Variants in CDC42BPA observed in about 807,000 individuals in gnomAD.
CDC42BPA encodes CDC42 binding protein kinase alpha.
CDC42BPA carries 80 observed loss-of-function variants against 223.5 expected under a neutral mutation model. That is an observed-to-expected ratio of 0.36 (90% CI 0.30 to 0.43). CDC42BPA has a LOEUF of 0.43. Among genes scored for constraint, CDC42BPA ranks in the 20% least tolerant of loss-of-function variants. CDC42BPA has a pLI of 1.00. For synonymous variants in CDC42BPA, 694 were observed against 718.6 expected, an observed-to-expected ratio of 0.97 and a Z score of 0.55; for missense variants, 1,743 against 2,099.9, an observed-to-expected ratio of 0.83 and a Z score of 3.32.
intron 11 of CDC42BPA, among the ~76,000 whole-genome samples, chr1:227,123,823 T>C (rs1191373767): frequency 6.6e-6 from 1 of 152,106 alleles, no homozygotes; most frequent in East Asian, 1.9e-4. Flanking sequence ...AATGCCCCTA[T>C]TCACAGGAGG....
intron 12 of CDC42BPA, among the ~76,000 whole-genome samples, chr1:227,114,084 C>A (rs1190686722): frequency 1.3e-5 from 2 of 150,108 alleles, no homozygotes; most frequent in Non-Finnish European, 1.5e-5. Context: ...CATCCATCAC[C>A]ACAGGAAGCT....
At position 227,317,047 on chromosome 1, in the gene CDC42BPA, G is replaced by A. The variant is rs1375803870; in HGVS notation, c.136C>T (p.Pro46Ser). The A allele has an allele frequency of 1.9e-6, 3 of 1,613,656 alleles. No individual in the cohort carries two copies. Among genetic ancestry groups the A allele is most frequent in the East Asian group, 2.2e-5 (1 of 44,868 alleles). The change falls in exon 1 of 37, where the codon CCA (proline) becomes TCA (serine). Residue 46 changes from proline (P) to serine (S), a missense_variant. Transcript: ENST00000366766. Reference sequence around the variant, plus strand: ...AGAATGTTCTTCTCTCTTCTCAATGGAGAATTATTGCATTCATCATAAAGG... The same window carrying A: ...AGAATGTTCTTCTCTCTTCTCAATGAAGAATTATTGCATTCATCATAAAGG... ...ICLYDECNNS[P>S]LRREKNILEY...
At chr1:227,297,018 T>C (rs539783307) in intron 1 of CDC42BPA, among the ~76,000 whole-genome samples, 1 of 152,284 alleles carries the variant, frequency 6.6e-6, no homozygotes, top group East Asian at 1.9e-4. Flanking sequence ...TAGGCGAGAC[T>C]ATGCATATGG....
intron 4 of CDC42BPA, among the ~76,000 whole-genome samples, chr1:227,196,338 C>CTTTT (rs34352900): frequency 0.11 from 9,834 of 91,904 alleles, 1,559 homozygotes; most frequent in Non-Finnish European, 0.12. Context: ...TTAAACAATA[C>CTTTT]TTTTTTTTTT....
intron 1 of CDC42BPA, among the ~76,000 whole-genome samples, chr1:227,315,557 G>A (rs2148852061): frequency 6.7e-6 from 1 of 148,264 alleles, no homozygotes; most frequent in East Asian, 2.0e-4. Context: ...AACTCTAAAA[G>A]TACCAAAACC....
chr1:227,108,481 A>T (rs1236738697), intron 14 of CDC42BPA, among the ~76,000 whole-genome samples: 1 of 151,774 alleles, frequency 6.6e-6, no homozygotes, highest in African/African-American at 2.4e-5. Flanking sequence ...ATACGACTTC[A>T]ATCTTCTTCC....
intron 10 of CDC42BPA, among the ~76,000 whole-genome samples, chr1:227,138,635 G>A (rs1464714922): frequency 1.3e-5 from 2 of 151,888 alleles, no homozygotes; most frequent in Non-Finnish European, 2.9e-5. Flanking sequence ...TTACAACACA[G>A]GATAGGGAAA....
intron 21 of CDC42BPA, among the ~76,000 whole-genome samples, chr1:227,059,165 T>C (rs1018008251): frequency 6.6e-6 from 1 of 150,992 alleles, no homozygotes; most frequent in African/African-American, 2.4e-5. Context: ...TATATGAACA[T>C]TCCTAAAGCT....
At chr1:227,048,143 A>T in intron 22 of CDC42BPA, 133 bp from the exon 23 acceptor site, 1 of 483,010 alleles carries the variant, frequency 2.1e-6, no homozygotes, top group African/African-American at 2.0e-5. Context: ...AATAATAAAG[A>T]AAACCTCAAT....
intron 11 of CDC42BPA, among the ~76,000 whole-genome samples, chr1:227,127,530 C>T (rs577076933): frequency 7.2e-5 from 11 of 152,304 alleles, no homozygotes; most frequent in Non-Finnish European, 1.3e-4. Flanking sequence ...TCTCTGAAGA[C>T]GAATCACTGA....
intron 1 of CDC42BPA, among the ~76,000 whole-genome samples, chr1:227,303,045 G>C (rs973233538): frequency 3.4e-5 from 5 of 145,916 alleles, no homozygotes; most frequent in African/African-American, 1.0e-4. Context: ...TCCCTGAAAA[G>C]TATGTTTCAT....
chr1:227,258,153 C>A (rs577406954), intron 1 of CDC42BPA, among the ~76,000 whole-genome samples: 29 of 128,410 alleles, frequency 2.3e-4, no homozygotes, highest in Admixed American at 7.2e-4. Flanking sequence ...CCAGCCTGGG[C>A]AACAGGGTGA....
At chr1:227,177,152 G>A (rs1003477775) in intron 5 of CDC42BPA, among the ~76,000 whole-genome samples, 1 of 149,574 alleles carries the variant, frequency 6.7e-6, no homozygotes, top group African/African-American at 2.5e-5. Flanking sequence ...TATATATACA[G>A]TATTTCATAT....
In CDC42BPA at chr1:227,190,320, A is replaced by C. The variant is rs1248852900; in HGVS notation, c.599+3466T>G. Among the ~76,000 whole-genome samples the C allele has an allele frequency of 2.6e-5, 4 of 152,196 alleles. No homozygotes were observed. In the East Asian group the frequency reaches 7.7e-4, roughly 29 times the overall value. On this transcript the variant is annotated intron_variant, in intron 5 of 36. Coordinates refer to ENST00000366766, the MANE Select transcript of CDC42BPA (RefSeq NM_001394014.1). ...TCTAGGCTATGCTACTTACTAACTA[A>C]TGTCTCTGAAGCTGGGTTTCCTCAT...
intron 5 of CDC42BPA, among the ~76,000 whole-genome samples, chr1:227,162,373 T>C (rs2221931): frequency 0.68 from 103,862 of 152,058 alleles, 35,668 homozygotes; most frequent in South Asian, 0.73. Context: ...TACCCAGACA[T>C]AGCTACTATC....
At chr1:227,148,772 C>CAAAAAAAAAAAAAAAAAAAAAAAA (rs57635319) in intron 6 of CDC42BPA, among the ~76,000 whole-genome samples, 2 of 78,786 alleles carry the variant, frequency 2.5e-5, no homozygotes, top group African/African-American at 1.1e-4. Context: ...GTCTCAAAAG[C>CAAAAAAAAAAAAAAAAAAAAAAAA]AAAAAAAAAA....
In CDC42BPA at chr1:226,994,441, G is replaced by A. The variant is rs1661166025; in HGVS notation, c.5134-42C>T. On this transcript the variant is annotated intron_variant, in intron 36 of 36. Coordinates refer to ENST00000366766, the MANE Select transcript of CDC42BPA (RefSeq NM_001394014.1). This position sits in a 1 kb window ranked among gnomAD's most constrained non-coding sequence, Gnocchi z 4.0. ...AAAACATTAATGAGAAGGAGGGGGA[G>A]AAAGGGAGGCAGAAGGGGCTCAGAT... 1.4e-6 allele frequency: 2 copies of A among 1,458,796 alleles called. No individual in the cohort carries two copies. The highest frequency in any genetic ancestry group is 1.8e-6 in the Non-Finnish European group (2 of 1,100,032). The allele number at this position is 1,458,796 out of a possible 1,614,324, so 90.4% of individuals were successfully genotyped here.
chr1:227,098,951 A>G (rs12744825), intron 15 of CDC42BPA, among the ~76,000 whole-genome samples: 21,407 of 151,826 alleles, frequency 0.14, 1,897 homozygotes, highest in South Asian at 0.34. Context: ...GCATTAGTCC[A>G]TAACTGCGTA....
intron 2 of CDC42BPA, among the ~76,000 whole-genome samples, chr1:227,250,838 G>A (rs1263197764): frequency 1.3e-5 from 2 of 152,122 alleles, no homozygotes; most frequent in Non-Finnish European, 2.9e-5. Flanking sequence ...GACTCCTTGA[G>A]CCTTGGAGTT....
Sources: allele counts gnomAD v4.1 joint callset (sites outside exome capture counted in the v4.1 genomes callset), GRCh38; gene constraint gnomAD v4.1.1; non-coding constraint Gnocchi (gnomAD v3.1); transcripts MANE v1.5; gene names NCBI Gene and HGNC (gene_info 2026-07-23, HGNC 2026-07-21).